The following IREB2 variants were observed in gnomAD, a reference collection of about 807,000 sequenced individuals.
The protein encoded by IREB2 is iron responsive element binding protein 2, also known as iron-responsive element-binding protein 2.
Under a neutral mutation model 118.8 loss-of-function variants are expected in IREB2, and 39 were observed. That is an observed-to-expected ratio of 0.33 (90% CI 0.25 to 0.43). The LOEUF (loss-of-function observed/expected upper bound fraction) is 0.43, where lower values mean the gene tolerates loss of function less well. Among genes scored for constraint, IREB2 ranks in the 20% least tolerant of loss-of-function variants. The pLI, the probability that IREB2 is intolerant of heterozygous loss-of-function variation, is 1.00. For missense variants in IREB2, 900 were observed against 1,147.3 expected (o/e 0.78, Z 3.11); for synonymous variants, 372 against 392.2 (o/e 0.95, Z 0.61).
Position 78,439,859 on chromosome 15 carries a change from A to G in IREB2, c.84A>G (p.Val28=), listed in dbSNP as rs1266038769. The G allele has an allele frequency of 5.6e-6, 9 of 1,603,480 alleles. No individual in the cohort carries two copies. Among genetic ancestry groups the G allele is most frequent in the South Asian group, 1.1e-5 (1 of 89,454 alleles). ...GTTCACATAAGAAGTTCTTCGATGT[A>G]TCTAAACTTGGCACCAAGTATGGTA... ...NDSSHKKFFD[V]SKLGTKYDVL... Residue 28 remains valine (V), a synonymous_variant, in exon 2 of 22, where the codon GTA becomes GTG. Transcript: ENST00000258886.
rs1287563648 is a variant in IREB2 at position 78,466,255 on chromosome 15, C to T, written c.411-16C>T. On this transcript the variant is annotated splice_polypyrimidine_tract_variant and intron_variant, in intron 4 of 21. Transcript: ENST00000258886. ...CTTTTAAATGGCTTTATTTTGTTTT[C>T]TTTTTGGAATGACAGTGCAATACAG... 26 of 1,548,830 alleles carry T rather than the reference C, an allele frequency of 1.7e-5. No homozygotes were observed. The highest frequency in any genetic ancestry group is 7.0e-5 in the East Asian group (3 of 42,710).
chr15:78,465,933 C>T (rs1229118900), intron 4 of IREB2, among the ~76,000 whole-genome samples: 1 of 152,046 alleles, frequency 6.6e-6, no homozygotes, highest in East Asian at 1.9e-4. Flanking sequence ...GTTTTGCCCT[C>T]GAGATAAACT....
intron 16 of IREB2, among the ~76,000 whole-genome samples, chr15:78,490,122 C>CA (rs1318902809): frequency 6.6e-6 from 1 of 152,126 alleles, no homozygotes; most frequent in Non-Finnish European, 1.5e-5. Context: ...TTTTAGAACA[C>CA]ACTGTTTTGG....
At chr15:78,463,168 G>C in intron 3 of IREB2, 81 bp downstream of exon 3, 1 of 1,200,422 alleles carries the variant, frequency 8.3e-7, no homozygotes, top group South Asian at 1.5e-5. Context: ...GGTAGGTGTG[G>C]TTGTTCATAC....
rs138228705 is a variant in IREB2, at chr15:78,493,108, A to T, written c.2325-801A>T. ...CCACTGGATCTGACATGTGATTTAC[A>T]AGAACAGAAGGCAGAAGAACATGTT... On this transcript the variant is annotated intron_variant, in intron 18 of 21. Coordinates refer to ENST00000258886, the MANE Select transcript of IREB2 (RefSeq NM_004136.4). 1.5e-3 allele frequency among the ~76,000 whole-genome samples: 226 copies of T among 152,324 alleles called. 1 individual carries two copies. The highest frequency in any genetic ancestry group is 5.3e-3 in the African/African-American group (220 of 41,580).
intron 20 of IREB2, among the ~76,000 whole-genome samples, chr15:78,495,846 G>T (rs1054789364): frequency 2.0e-5 from 3 of 152,134 alleles, no homozygotes; most frequent in Non-Finnish European, 2.9e-5. Flanking sequence ...AGAGAAGGGA[G>T]GTGAACAGGA....
chr15:78,448,564 G>T (rs931271909), intron 2 of IREB2, among the ~76,000 whole-genome samples: 1 of 152,172 alleles, frequency 6.6e-6, no homozygotes, highest in Non-Finnish European at 1.5e-5. Context: ...GCCCTATCCC[G>T]CCTGGTTCTG....
intron 8 of IREB2, chr15:78,474,987 G>A (rs1007382157): frequency 2.7e-5 from 4 of 150,498 alleles, no homozygotes; most frequent in Admixed American, 6.6e-5. Flanking sequence ...CCCGGGAGGC[G>A]GAGCTTGCAG....
At chr15:78,445,790 T>G (rs942472259) in intron 2 of IREB2, among the ~76,000 whole-genome samples, 1 of 152,130 alleles carries the variant, frequency 6.6e-6, no homozygotes, top group East Asian at 1.9e-4. Flanking sequence ...TTGTTTTGTT[T>G]GTTTTGTTTT....
intron 7 of IREB2, among the ~76,000 whole-genome samples, chr15:78,472,380 T>C (rs1040759526): frequency 6.6e-6 from 1 of 152,028 alleles, no homozygotes; most frequent in African/African-American, 2.4e-5. Flanking sequence ...TTTCTTTTTT[T>C]TTTGGAGACA....
At chr15:78,492,426 G>T (rs552535083) in intron 18 of IREB2, among the ~76,000 whole-genome samples, 2 of 149,916 alleles carry the variant, frequency 1.3e-5, no homozygotes, top group African/African-American at 2.5e-5. Flanking sequence ...AGACCATCAG[G>T]CTTCTGTCTA....
chr15:78,456,708 G>A (rs1207012276), intron 2 of IREB2, among the ~76,000 whole-genome samples: 1 of 151,062 alleles, frequency 6.6e-6, no homozygotes, highest in Non-Finnish European at 1.5e-5. Context: ...TTTTCTCGTA[G>A]CACTCTTATT....
At chr15:78,487,855 T>G (rs987397683) in intron 14 of IREB2, 38 bp downstream of exon 14, 2 of 1,226,140 alleles carry the variant, frequency 1.6e-6, no homozygotes, top group Non-Finnish European at 2.4e-6. Context: ...TAAATGATTT[T>G]CTTAACTATG....
intron 5 of IREB2, among the ~76,000 whole-genome samples, chr15:78,467,916 G>C (rs1032072829): frequency 1.3e-5 from 2 of 152,088 alleles, no homozygotes; most frequent in Non-Finnish European, 2.9e-5. Context: ...CTGAAGTGCA[G>C]TGTCATAAGC....
chr15:78,457,478 G>C (rs935410661), intron 2 of IREB2, among the ~76,000 whole-genome samples: 2 of 151,994 alleles, frequency 1.3e-5, no homozygotes, highest in African/African-American at 4.8e-5. Flanking sequence ...TTGATTAATT[G>C]ATAGTTTTCC....
At chr15:78,478,081 TA>T (rs531329014) in intron 9 of IREB2, among the ~76,000 whole-genome samples, 5,800 of 126,438 alleles carry the variant, frequency 0.046, 317 homozygotes, top group African/African-American at 0.14. Flanking sequence ...AAAACATTTG[TA>T]AAAAAAAAAA....
At chr15:78,485,605 T>G in intron 12 of IREB2, 100 bp from the exon 13 acceptor site, 3 of 1,209,674 alleles carry the variant, frequency 2.5e-6, no homozygotes, top group Non-Finnish European at 3.5e-6. Context: ...AATTCATACT[T>G]TAATCTGTTA....
chr15:78,460,417 T>G (rs1003155467), intron 2 of IREB2, among the ~76,000 whole-genome samples: 60 of 152,342 alleles, frequency 3.9e-4, no homozygotes, highest in African/African-American at 1.3e-3. Context: ...GAAAGGTTTT[T>G]TAAGAGTCAT....
At chr15:78,447,106 G>A (rs2141451412) in intron 2 of IREB2, among the ~76,000 whole-genome samples, 1 of 152,096 alleles carries the variant, frequency 6.6e-6, no homozygotes, top group South Asian at 2.1e-4. Flanking sequence ...CAGTAGGCAT[G>A]CATAGAACCC....
Sources: gnomAD v4.1 joint callset for allele counts (sites outside exome capture counted in the v4.1 genomes callset) on GRCh38, gnomAD v4.1.1 for gene constraint, MANE v1.5 for transcripts, NCBI Gene and HGNC (gene_info 2026-07-23, HGNC 2026-07-21) for gene names.